DCLK2: variants seen among roughly 807,000 people sequenced by gnomAD.
DCLK2 encodes doublecortin like kinase 2, also known as serine/threonine-protein kinase DCLK2.
In DCLK2, 31 loss-of-function variants were observed where a neutral mutation model predicts 78.4. The observed-to-expected ratio is 0.40, with a 90% CI of 0.30 to 0.53. The LOEUF (loss-of-function observed/expected upper bound fraction) is 0.53. DCLK2 is among the 20% of genes least tolerant of loss of function. The pLI, the probability that DCLK2 is intolerant of heterozygous loss-of-function variation, is 0.61. For missense variants in DCLK2, 872 were observed against 973.7 expected (o/e 0.90, Z 1.39); for synonymous variants, 407 against 374.9 (o/e 1.09, Z -0.99).
At chr4:150,253,012 G>A (rs1744289239) in intron 15 of DCLK2, among the ~76,000 whole-genome samples, 1 of 152,156 alleles carries the variant, frequency 6.6e-6, no homozygotes. Context: ...ATCCTCCCCT[G>A]GCGCAGGACC....
At chr4:150,230,075 G>A (rs1189704556) in intron 8 of DCLK2, among the ~76,000 whole-genome samples, 1 of 148,358 alleles carries the variant, frequency 6.7e-6, no homozygotes, top group Non-Finnish European at 1.5e-5. Flanking sequence ...ACAGCAAGAG[G>A]TTGAGAAAGG....
At chr4:150,209,701 A>G (rs907410488) in intron 5 of DCLK2, 2 of 152,254 alleles carry the variant, frequency 1.3e-5, no homozygotes, top group Admixed American at 6.5e-5. Flanking sequence ...GATCAAAAGC[A>G]CGTGAAATGT....
At chr4:150,129,449 C>T (rs890507056) in intron 2 of DCLK2, among the ~76,000 whole-genome samples, 1 of 151,978 alleles carries the variant, frequency 6.6e-6, no homozygotes, top group Admixed American at 6.6e-5. Flanking sequence ...GGCCAGGCGC[C>T]GTGGCTTATG....
chr4:150,191,590 AGAACAG>A (rs1260609947), intron 2 of DCLK2, among the ~76,000 whole-genome samples: 1 of 152,296 alleles, frequency 6.6e-6, no homozygotes, highest in African/African-American at 2.4e-5. Flanking sequence ...GAGATAGAAG[AGAACAG>A]GAACAATTGA....
chr4:150,231,599 T>A (rs1742066351), intron 8 of DCLK2, among the ~76,000 whole-genome samples: 1 of 152,194 alleles, frequency 6.6e-6, no homozygotes, highest in Admixed American at 6.5e-5. Flanking sequence ...TAAGAATAAT[T>A]CGTTAATTCT....
chr4:150,113,591 G>A (rs1309346340), intron 2 of DCLK2, among the ~76,000 whole-genome samples: 1 of 151,660 alleles, frequency 6.6e-6, no homozygotes, highest in Non-Finnish European at 1.5e-5. Flanking sequence ...TGTGTCCGTT[G>A]TAATGTTTCT....
intron 2 of DCLK2, among the ~76,000 whole-genome samples, chr4:150,111,045 T>A (rs1165280411): frequency 3.3e-5 from 5 of 152,316 alleles, no homozygotes; most frequent in Middle Eastern, 3.4e-3. Flanking sequence ...TTTTAGTTCT[T>A]TAAGAAGGCT....
chr4:150,200,261 T>G (rs927042008), intron 4 of DCLK2, among the ~76,000 whole-genome samples: 2 of 152,214 alleles, frequency 1.3e-5, no homozygotes, highest in South Asian at 2.1e-4. Context: ...ACACACAATT[T>G]TAAATTAAGT....
chr4:150,203,035 T>G (rs1270983140), intron 4 of DCLK2, among the ~76,000 whole-genome samples: 1 of 152,160 alleles, frequency 6.6e-6, no homozygotes, highest in African/African-American at 2.4e-5. Flanking sequence ...GGGGGAAAGG[T>G]TCATTTGCAG....
chr4:150,121,605 C>T (rs987627406), intron 2 of DCLK2, among the ~76,000 whole-genome samples: 1 of 152,192 alleles, frequency 6.6e-6, no homozygotes, highest in African/African-American at 2.4e-5. Context: ...CTTCCAGACT[C>T]CTGTTAATGT....
chr4:150,133,905 C>T (rs572941816), intron 2 of DCLK2, among the ~76,000 whole-genome samples: 1 of 152,164 alleles, frequency 6.6e-6, no homozygotes, highest in Admixed American at 6.5e-5. Context: ...GCATGCTTTT[C>T]AAGGAAACTC....
chr4:150,163,871 T>G (rs998020406), intron 2 of DCLK2, among the ~76,000 whole-genome samples: 1 of 152,172 alleles, frequency 6.6e-6, no homozygotes. Flanking sequence ...TTTTAGGAAG[T>G]TAGTTATTTT....
chr4:150,144,479 A>G (rs1029804861), intron 2 of DCLK2, among the ~76,000 whole-genome samples: 5 of 152,148 alleles, frequency 3.3e-5, no homozygotes, highest in Non-Finnish European at 4.4e-5. Context: ...TTTAGTTACT[A>G]TAGTCTTGTG....
intron 2 of DCLK2, among the ~76,000 whole-genome samples, chr4:150,153,355 A>G (rs576571294): frequency 4.6e-5 from 7 of 152,114 alleles, no homozygotes; most frequent in African/African-American, 1.7e-4. Context: ...GATTGGAGTA[A>G]TGCTCCAGGC....
At chr4:150,176,495 A>G (rs534517373) in intron 2 of DCLK2, among the ~76,000 whole-genome samples, 11 of 152,298 alleles carry the variant, frequency 7.2e-5, no homozygotes, top group African/African-American at 2.2e-4. Flanking sequence ...TTGCCACACC[A>G]TGAGAATCCA....
At chr4:150,102,420 A>C in intron 1 of DCLK2, 58 bp from the exon 2 acceptor site, 2 of 1,543,696 alleles carry the variant, frequency 1.3e-6, no homozygotes, top group Non-Finnish European at 1.8e-6. Flanking sequence ...TGTTCTTTAG[A>C]CCAAATGCTT....
chr4:150,142,080 T>C (rs1199621263), intron 2 of DCLK2, among the ~76,000 whole-genome samples: 1 of 152,212 alleles, frequency 6.6e-6, no homozygotes. Context: ...CTGATTTTTT[T>C]GTTAGTAATA....
intron 5 of DCLK2, among the ~76,000 whole-genome samples, chr4:150,205,531 C>T (rs2126460733): frequency 6.6e-6 from 1 of 152,276 alleles, no homozygotes; most frequent in East Asian, 1.9e-4. Context: ...AGGCATTTTT[C>T]TGAAGTACTA....
Position 150,151,934 on chromosome 4 carries a change from A to T in DCLK2, c.757-41204A>T, listed in dbSNP as rs1001021639. Among the ~76,000 whole-genome samples, 129 of 151,866 alleles carry T rather than the reference A, an allele frequency of 8.5e-4. 1 individual carries two copies. The highest frequency in any genetic ancestry group is 1.1e-3 in the Non-Finnish European group (75 of 67,960). On this transcript the variant is annotated intron_variant, in intron 2 of 15. Transcript: ENST00000296550. Reference sequence around the variant, plus strand: ...AGTGAGGCTCTGTCTCAAAAAAAAAAAATAATAATAATTTATGTGGCTCTG... The same window carrying T: ...AGTGAGGCTCTGTCTCAAAAAAAAATAATAATAATAATTTATGTGGCTCTG...
Sources: gnomAD v4.1 joint callset for allele counts (sites outside exome capture counted in the v4.1 genomes callset) on GRCh38, gnomAD v4.1.1 for gene constraint, MANE v1.5 for transcripts, NCBI Gene and HGNC (gene_info 2026-07-23, HGNC 2026-07-21) for gene names.